Variants in TIMD4 observed in about 807,000 individuals in gnomAD.
TIMD4 encodes the protein T-cell immunoglobulin and mucin domain-containing protein 4.
A neutral mutation model predicts 41.2 loss-of-function variants in TIMD4; 31 were observed. The observed-to-expected ratio is 0.75, with a 90% CI of 0.57 to 1.01. The LOEUF is 1.01. Ranked by LOEUF, TIMD4 falls within the 50% of genes least tolerant of loss-of-function variation. The probability of loss-of-function intolerance (pLI) is 0.00; values close to 1 mark genes in which losing one functional copy is unlikely to be tolerated. For missense variants in TIMD4, 479 were observed against 472.5 expected (o/e 1.01, Z -0.13); for synonymous variants, 204 against 177.1 (o/e 1.15, Z -1.21).
At chr5:156,950,694 G>GA (rs957880571) in intron 3 of TIMD4, among the ~76,000 whole-genome samples, 6 of 151,688 alleles carry the variant, frequency 4.0e-5, no homozygotes, top group South Asian at 2.1e-4. Context: ...AATTCCAGGG[G>GA]AAAAAAAAGA....
chr5:156,930,880 A>G (rs1218216989), intron 5 of TIMD4, among the ~76,000 whole-genome samples: 1 of 152,224 alleles, frequency 6.6e-6, no homozygotes, highest in African/African-American at 2.4e-5. Flanking sequence ...ATCTTCAGAA[A>G]CTGTGAATAT....
chr5:156,933,544 GTTGTTTTGTT>G lies in TIMD4; in HGVS notation c.845-7242_845-7233del, dbSNP rs60102527. 1.4e-3 allele frequency among the ~76,000 whole-genome samples: 207 copies of G among 144,332 alleles called. 1 individual carries two copies. In the East Asian group the frequency reaches 0.02, roughly 14 times the overall value. The allele number at this position is 144,332 out of a possible 152,430, so 94.7% of individuals were successfully genotyped here. On this transcript the variant is annotated intron_variant, in intron 5 of 8. Coordinates refer to ENST00000274532, the MANE Select transcript of TIMD4 (RefSeq NM_138379.3). Reference sequence around the variant, plus strand: ...TCTTTATCTGTTCATGGGTGAGAGTGTTGTTTTGTTTTGTTTTGTTTTGTTTTGTTTTGTT... The same window carrying G: ...TCTTTATCTGTTCATGGGTGAGAGTGTTGTTTTGTTTTGTTTTGTTTTGTT...
At position 156,951,539 on chromosome 5, in the gene TIMD4, A is replaced by G. The variant is rs145798741; in HGVS notation, c.652T>C (p.Ser218Pro). The change falls in exon 3 of 9, where the codon TCT becomes CCT. Residue 218 changes from serine to proline, a missense_variant. Transcript: ENST00000274532. ...EATGLLTPEP[S>P]KEGPILTAES... ...GCAGTGAGGATGGGCCCTTCCTTAG[A>G]AGGCTCGGGAGTCAGAAGACCTGTG... 36 of 1,614,030 alleles carry G rather than the reference A, an allele frequency of 2.2e-5. No homozygotes were observed. In the African/African-American group the frequency reaches 4.8e-4, roughly 22 times the overall value.
chr5:156,952,026 A>AG (rs1759871340), intron 2 of TIMD4, among the ~76,000 whole-genome samples: 1 of 152,052 alleles, frequency 6.6e-6, no homozygotes, highest in African/African-American at 2.4e-5. Context: ...GCAGTGGTTC[A>AG]CACCTGTAAT....
At position 156,954,404 on chromosome 5, in the gene TIMD4, C is replaced by T. The variant is rs1759923294; in HGVS notation, c.400+11G>A. On this transcript the variant is annotated intron_variant, in intron 2 of 8. Transcript: ENST00000274532. ...CTCCTTCCGCAGGCATGAGGCCCTT[C>T]GTGTGCTTACCTCTCTGTAGATTCA... The T allele has an allele frequency of 1.2e-6, 2 of 1,607,306 alleles. No individual in the cohort carries two copies. Among genetic ancestry groups the T allele is most frequent in the East Asian group, 2.2e-5 (1 of 44,854 alleles).
intron 5 of TIMD4, among the ~76,000 whole-genome samples, chr5:156,931,080 T>G (rs1180817489): frequency 1.3e-5 from 2 of 152,024 alleles, no homozygotes; most frequent in African/African-American, 4.8e-5. Context: ...GAGAGAGAGA[T>G]ATTTGAAGAT....
chr5:156,956,288 G>A (rs1581634776), intron 1 of TIMD4, among the ~76,000 whole-genome samples: 1 of 152,190 alleles, frequency 6.6e-6, no homozygotes, highest in East Asian at 1.9e-4. Context: ...TAACGTTAGA[G>A]CTAGAAGGAA....
chr5:156,925,407 C>T (rs1467461972), intron 6 of TIMD4, among the ~76,000 whole-genome samples: 1 of 152,240 alleles, frequency 6.6e-6, no homozygotes, highest in Non-Finnish European at 1.5e-5. Flanking sequence ...CCCTCTCTTC[C>T]TGTTCCATTC....
intron 5 of TIMD4, among the ~76,000 whole-genome samples, chr5:156,942,680 G>A (rs535350783): frequency 6.6e-6 from 1 of 152,300 alleles, no homozygotes; most frequent in South Asian, 2.1e-4. Flanking sequence ...AATTGGAGGA[G>A]AGCATTGAAC....
chr5:156,931,439 T>C (rs1476442631), intron 5 of TIMD4, among the ~76,000 whole-genome samples: 2 of 152,242 alleles, frequency 1.3e-5, no homozygotes, highest in Admixed American at 6.5e-5. Flanking sequence ...ACTTTTTCCA[T>C]GAGTGTGTAT....
chr5:156,924,504 G>A (rs1759310352), intron 6 of TIMD4: 5 of 451,408 alleles, frequency 1.1e-5, no homozygotes, highest in East Asian at 5.9e-5. Flanking sequence ...TTTGGCTAGA[G>A]GTTCAAAAAT....
intron 5 of TIMD4, among the ~76,000 whole-genome samples, chr5:156,926,929 G>A (rs1759358130): frequency 6.6e-6 from 1 of 152,170 alleles, no homozygotes. Flanking sequence ...CTATAGTTGA[G>A]TTACAAGGGA....
chr5:156,933,663 G>A (rs1759485133), intron 5 of TIMD4, among the ~76,000 whole-genome samples: 1 of 151,940 alleles, frequency 6.6e-6, no homozygotes, highest in African/African-American at 2.4e-5. Context: ...CACCTCCCAG[G>A]TTCAAGCGAT....
At chr5:156,920,902 C>T (rs1203187328) in intron 7 of TIMD4, among the ~76,000 whole-genome samples, 2 of 152,178 alleles carry the variant, frequency 1.3e-5, no homozygotes, top group African/African-American at 2.4e-5. Flanking sequence ...TGCTTTTGCA[C>T]CTGGGGCAGG....
chr5:156,926,633 T>A (rs1759353457), intron 5 of TIMD4, among the ~76,000 whole-genome samples: 1 of 152,118 alleles, frequency 6.6e-6, no homozygotes, highest in Non-Finnish European at 1.5e-5. Flanking sequence ...GGCAAGAAAA[T>A]TTGTCAGTTT....
chr5:156,927,921 C>A (rs981926080), intron 5 of TIMD4, among the ~76,000 whole-genome samples: 1 of 152,056 alleles, frequency 6.6e-6, no homozygotes, highest in African/African-American at 2.4e-5. Flanking sequence ...GCATTTGAAT[C>A]TAAATCAAAC....
chr5:156,925,327 T>G (rs571807979), intron 6 of TIMD4, among the ~76,000 whole-genome samples: 1 of 152,212 alleles, frequency 6.6e-6, no homozygotes, highest in East Asian at 1.9e-4. Flanking sequence ...TGAGAACTGC[T>G]GCTCTGCAGG....
At chr5:156,922,025 G>T in intron 7 of TIMD4, 74 bp downstream of exon 7, 1 of 1,165,152 alleles carries the variant, frequency 8.6e-7, no homozygotes, top group Non-Finnish European at 1.2e-6. Context: ...GGGGAAGGAA[G>T]TGGAGACAAC....
At position 156,954,749 on chromosome 5, in the gene TIMD4, G is replaced by A. The variant is rs933593939; in HGVS notation, c.66C>T (p.Val22=). 9 of 1,604,918 alleles carry A rather than the reference G, an allele frequency of 5.6e-6. No individual in the cohort carries two copies. In the Admixed American group the frequency reaches 1.0e-4, roughly 18 times the overall value. Residue 22 remains valine (V), a synonymous_variant, in exon 2 of 9, where the codon GTC becomes GTT. Coordinates refer to ENST00000274532, the MANE Select transcript of TIMD4 (RefSeq NM_138379.3). The part of the protein sequence containing the change: ...IEFWWLYLTP[V]TSETVVTEVL... ...CCTCCGTCACAACAGTCTCTGAAGT[G>A]ACTGGTGCTGCAAGGAAAAATGCGA...
Sources: allele counts gnomAD v4.1 joint callset (sites outside exome capture counted in the v4.1 genomes callset), GRCh38; gene constraint gnomAD v4.1.1; transcripts MANE v1.5; gene names NCBI Gene and HGNC (gene_info 2026-07-23, HGNC 2026-07-21).